SOCS2: variants seen among roughly 807,000 people sequenced by gnomAD.
SOCS2 encodes the protein CIS-2.
A neutral mutation model predicts 18.6 loss-of-function variants in SOCS2; 10 were observed. The ratio of observed to expected loss-of-function variants is 0.54; its 90% confidence interval spans 0.33 to 0.91. The LOEUF (loss-of-function observed/expected upper bound fraction) is 0.91, where lower values mean the gene tolerates loss of function less well. SOCS2 is among the 40% of genes least tolerant of loss of function. SOCS2 has a pLI of 0.02. For missense variants in SOCS2, 231 were observed against 247.2 expected (o/e 0.93, Z 0.44); for synonymous variants, 104 against 104.0 (o/e 1.00, Z 0.00).
At chr12:93,577,033 T>A (rs984571526), downstream of SOCS2, among the ~76,000 whole-genome samples, 1 of 152,218 alleles carries the variant, frequency 6.6e-6, no homozygotes, top group Admixed American at 6.5e-5. Flanking sequence ...CTGGCAAAAC[T>A]TCTATATGAT....
the SOCS2 span, among the ~76,000 whole-genome samples, chr12:93,596,154 A>G: frequency 2.6e-5 from 4 of 152,220 alleles, no homozygotes; most frequent in Non-Finnish European, 5.9e-5. Context: ...TTTCACAGGT[A>G]TTAGGCTGTG....
the SOCS2 span, among the ~76,000 whole-genome samples, chr12:93,617,576 A>T: frequency 6.6e-6 from 1 of 152,228 alleles, no homozygotes; most frequent in Non-Finnish European, 1.5e-5. Flanking sequence ...AAATAAAATT[A>T]AATGGGGCCA....
At chr12:93,617,421 G>A in the SOCS2 span, among the ~76,000 whole-genome samples, 4 of 152,148 alleles carry the variant, frequency 2.6e-5, no homozygotes, top group African/African-American at 9.7e-5. Flanking sequence ...CTGCTTCTAT[G>A]GAGATGTTCA....
chr12:93,616,291 C>T, the SOCS2 span, among the ~76,000 whole-genome samples: 6 of 152,212 alleles, frequency 3.9e-5, no homozygotes, highest in Non-Finnish European at 8.8e-5. Context: ...AGACAGCCAT[C>T]TTGTCACCAG....
At chr12:93,596,880 G>A in the SOCS2 span, among the ~76,000 whole-genome samples, 1 of 152,094 alleles carries the variant, frequency 6.6e-6, no homozygotes, top group Non-Finnish European at 1.5e-5. Context: ...TTTCTGCCCT[G>A]CACCCTCCAC....
At chr12:93,594,202 A>G in the SOCS2 span, among the ~76,000 whole-genome samples, 1 of 152,236 alleles carries the variant, frequency 6.6e-6, no homozygotes, top group East Asian at 1.9e-4. Context: ...CCATTTTTAT[A>G]ATCCCAATTC....
the SOCS2 span, among the ~76,000 whole-genome samples, chr12:93,589,390 C>T: frequency 6.6e-6 from 1 of 152,026 alleles, no homozygotes; most frequent in Non-Finnish European, 1.5e-5. Context: ...CATTTGTCTT[C>T]TCATAAAATA....
Position 93,583,072 on chromosome 12 carries a change from A to G in SOCS2, c.*26A>G, listed in dbSNP as rs7313659. The stretch of plus-strand genomic sequence containing the variant: ...AAGAATTTTGTGTTTTCTTTTAGCT[A>G]TGGATCTTTGAACATTACCCTATGA... On this transcript the variant is annotated 3_prime_UTR_variant, in exon 2 of 2. Transcript: ENST00000549510. The G allele has an allele frequency of 9.5e-4, 117 of 123,512 alleles. 1 individual carries two copies. The highest frequency in any genetic ancestry group is 3.5e-3 in the African/African-American group (113 of 32,042). The allele number at this position is 123,512 out of a possible 1,614,324, so 7.7% of individuals were successfully genotyped here. A position where few individuals can be genotyped will look rare whatever the true frequency, so the allele number is the denominator to read the frequency against.
upstream of SOCS2, chr12:93,570,533 C>G (rs967758668): frequency 2.0e-4 from 31 of 152,596 alleles, no homozygotes; most frequent in African/African-American, 6.8e-4. Context: ...CACGCCCACC[C>G]CCCGCAAAAG....
downstream of SOCS2, among the ~76,000 whole-genome samples, chr12:93,578,405 GT>G (rs748706145): frequency 2.0e-5 from 3 of 152,188 alleles, no homozygotes; most frequent in Non-Finnish European, 2.9e-5. Flanking sequence ...GCCCTTCTCA[GT>G]TGTGAGTTTA....
At chr12:93,585,696 G>T (rs61934461), downstream of SOCS2, among the ~76,000 whole-genome samples, 4,072 of 151,896 alleles carry the variant, frequency 0.027, 81 homozygotes, top group Non-Finnish European at 0.039. Context: ...AGTTTTTCAG[G>T]TACTGCAAAA....
the SOCS2 span, among the ~76,000 whole-genome samples, chr12:93,614,464 TTCCTTC>T: frequency 1.1e-5 from 1 of 93,700 alleles, no homozygotes; most frequent in Non-Finnish European, 2.0e-5. Context: ...CCTTCCTTCC[TTCCTTC>T]CTTCCTTCCT....
the SOCS2 span, among the ~76,000 whole-genome samples, chr12:93,603,487 C>G: frequency 6.6e-6 from 1 of 152,170 alleles, no homozygotes; most frequent in Non-Finnish European, 1.5e-5. Flanking sequence ...CTCTTTCCCA[C>G]CTTTCCACAT....
At chr12:93,581,949 T>G (rs1157002762) in intron 1 of SOCS2, among the ~76,000 whole-genome samples, 1 of 152,154 alleles carries the variant, frequency 6.6e-6, no homozygotes, top group African/African-American at 2.4e-5. Context: ...GAAACTTAGG[T>G]CAAATATCCT....
At chr12:93,587,099 C>T (rs533299812), downstream of SOCS2, among the ~76,000 whole-genome samples, 24 of 152,306 alleles carry the variant, frequency 1.6e-4, 1 homozygote, top group East Asian at 4.6e-3. Context: ...ACCCGGGAGG[C>T]AGAGGTTGCA....
chr12:93,604,803 T>G, the SOCS2 span, among the ~76,000 whole-genome samples: 1 of 151,812 alleles, frequency 6.6e-6, no homozygotes, highest in Non-Finnish European at 1.5e-5. Context: ...GGGATACAGG[T>G]GCACGGCCCC....
rs1592837697 is a variant in SOCS2, at chr12:93,583,029, G to GT, written c.129dup (p.Tyr44LeufsTer12). The GT allele has an allele frequency of 8.3e-6, 1 of 120,164 alleles. No homozygotes were observed. The highest frequency in any genetic ancestry group is 8.5e-5 in the Admixed American group (1 of 11,766). 7.4% of individuals were successfully genotyped at this position (120,164 alleles called of 1,614,324 possible). On this transcript the variant is annotated frameshift_variant, in exon 2 of 2. Coordinates refer to the SOCS2 transcript ENST00000549510. LOFTEE classifies it high-confidence loss of function. ...TTTTTTTTTTTTTTCACAGCCAGCT[G>GT]TTTTTTATCCTGGTTAGAAGAATTT...
At chr12:93,623,994 C>G in the SOCS2 span, among the ~76,000 whole-genome samples, 3 of 152,098 alleles carry the variant, frequency 2.0e-5, no homozygotes, top group African/African-American at 4.8e-5. Flanking sequence ...GTGAGCCACC[C>G]CACCCAGCCT....
At chr12:93,585,553 A>G (rs1954579384), downstream of SOCS2, among the ~76,000 whole-genome samples, 2 of 152,242 alleles carry the variant, frequency 1.3e-5, no homozygotes, top group Non-Finnish European at 2.9e-5. Context: ...TGTAACCACC[A>G]CATATACCAT....
Sources: gnomAD v4.1 joint callset for allele counts (sites outside exome capture counted in the v4.1 genomes callset) on GRCh38, gnomAD v4.1.1 for gene constraint, MANE v1.5 for transcripts, NCBI Gene and HGNC (gene_info 2026-07-23, HGNC 2026-07-21) for gene names.